GRID1: variants seen among roughly 807,000 people sequenced by gnomAD.
GRID1 encodes glutamate receptor ionotropic, delta-1.
GRID1 carries 28 observed loss-of-function variants against 98.0 expected under a neutral mutation model. The observed-to-expected ratio is 0.29, with a 90% confidence interval of 0.21 to 0.39. The LOEUF is 0.39. Among genes scored for constraint, GRID1 ranks in the 10% least tolerant of loss-of-function variants. GRID1 has a pLI of 1.00. For synonymous variants in GRID1, 553 were observed against 538.5 expected (o/e 1.03, Z -0.37); for missense variants, 1,111 against 1,340.5 (o/e 0.83, Z 2.67).
At chr10:85,652,523 G>C (rs1843285909) in intron 12 of GRID1, among the ~76,000 whole-genome samples, 1 of 152,188 alleles carries the variant, frequency 6.6e-6, no homozygotes, top group African/African-American at 2.4e-5. Context: ...AGACACGGGA[G>C]GGTGGGGATA....
At chr10:85,855,424 G>T (rs1275050872) in intron 7 of GRID1, among the ~76,000 whole-genome samples, 1 of 152,182 alleles carries the variant, frequency 6.6e-6, no homozygotes, top group African/African-American at 2.4e-5. Context: ...GGCCCAGAAG[G>T]GGCCCTGGCT....
chr10:85,684,185 G>C (rs1841241939), intron 12 of GRID1, among the ~76,000 whole-genome samples: 1 of 152,130 alleles, frequency 6.6e-6, no homozygotes, highest in Admixed American at 6.5e-5. Context: ...ATTGTGTTAA[G>C]ATATTTTGGC....
chr10:86,278,648 T>C (rs1294623496), intron 2 of GRID1, among the ~76,000 whole-genome samples: 1 of 152,158 alleles, frequency 6.6e-6, no homozygotes, highest in Non-Finnish European at 1.5e-5. Flanking sequence ...ATATTATGAA[T>C]AAGAATAAAC....
At chr10:86,018,388 T>A (rs1207368376) in intron 4 of GRID1, among the ~76,000 whole-genome samples, 1 of 152,190 alleles carries the variant, frequency 6.6e-6, no homozygotes, top group Admixed American at 6.5e-5. Flanking sequence ...CATAACCCTG[T>A]CAGGGGAGAT....
At chr10:85,730,758 C>T (rs1841813065) in intron 8 of GRID1, among the ~76,000 whole-genome samples, 1 of 152,110 alleles carries the variant, frequency 6.6e-6, no homozygotes, top group African/African-American at 2.4e-5. Flanking sequence ...AGCCATGATG[C>T]TCAAACTATG....
chr10:86,324,266 C>T (rs1259423071), intron 2 of GRID1, among the ~76,000 whole-genome samples: 1 of 152,064 alleles, frequency 6.6e-6, no homozygotes, highest in Non-Finnish European at 1.5e-5. Flanking sequence ...CAGCTCGGGG[C>T]AGAAGGACAT....
chr10:85,875,523 T>C (rs1843320571), intron 5 of GRID1, among the ~76,000 whole-genome samples: 1 of 152,186 alleles, frequency 6.6e-6, no homozygotes, highest in Non-Finnish European at 1.5e-5. Context: ...TTCTATAACA[T>C]TATTTATATT....
intron 8 of GRID1, among the ~76,000 whole-genome samples, chr10:85,759,160 C>G (rs1842124847): frequency 6.6e-6 from 1 of 152,170 alleles, no homozygotes; most frequent in Non-Finnish European, 1.5e-5. Flanking sequence ...ATCAACACTT[C>G]CCATGAAGCA....
At chr10:85,897,574 T>C (rs1841311196) in intron 5 of GRID1, among the ~76,000 whole-genome samples, 1 of 152,184 alleles carries the variant, frequency 6.6e-6, no homozygotes, top group South Asian at 2.1e-4. Flanking sequence ...GTTAATGTTA[T>C]TGAGTGCCTA....
chr10:86,221,954 T>G (rs575668979), intron 2 of GRID1, among the ~76,000 whole-genome samples: 2 of 148,514 alleles, frequency 1.3e-5, no homozygotes, highest in South Asian at 2.2e-4. Context: ...GGGCAGGGGG[T>G]GGGAGGCAGC....
At chr10:85,769,695 C>T (rs536850812) in intron 8 of GRID1, among the ~76,000 whole-genome samples, 47 of 152,276 alleles carry the variant, frequency 3.1e-4, no homozygotes, top group Non-Finnish European at 6.2e-4. Context: ...CTCGGAGGGT[C>T]CTACACCCAC....
At chr10:85,613,761 T>G (rs1195415187) in intron 14 of GRID1, 114 bp from the exon 15 acceptor site, 3 of 1,269,284 alleles carry the variant, frequency 2.4e-6, no homozygotes, top group Non-Finnish European at 3.3e-6. Context: ...TGAGCCATCC[T>G]AGCAGCTTTC....
At chr10:85,986,197 G>GT (rs1422954752) in intron 4 of GRID1, among the ~76,000 whole-genome samples, 1 of 152,228 alleles carries the variant, frequency 6.6e-6, no homozygotes, top group Non-Finnish European at 1.5e-5. Context: ...GAATTCCACG[G>GT]TAAGTCAGTC....
intron 12 of GRID1, among the ~76,000 whole-genome samples, chr10:85,702,937 A>C (rs1841469286): frequency 6.6e-6 from 1 of 151,866 alleles, no homozygotes; most frequent in Non-Finnish European, 1.5e-5. Flanking sequence ...GGGGAGCATA[A>C]GGAAAAAGAA....
At chr10:85,700,930 T>A (rs1160957355) in intron 12 of GRID1, among the ~76,000 whole-genome samples, 1 of 152,170 alleles carries the variant, frequency 6.6e-6, no homozygotes, top group African/African-American at 2.4e-5. Context: ...CAATCATTAT[T>A]GAATGGTTTT....
chr10:86,206,300 G>A lies in GRID1; in HGVS notation c.520+64C>T. ...CGGTCCAGGGCCCCACCCACTCTCAGGTCTCCCAGCATCTGGCCATCCCTG... is the reference window on the plus strand; with the variant it reads ...CGGTCCAGGGCCCCACCCACTCTCAAGTCTCCCAGCATCTGGCCATCCCTG... On this transcript the variant is annotated intron_variant, in intron 3 of 15. Coordinates refer to ENST00000327946, the MANE Select transcript of GRID1 (RefSeq NM_017551.3). The surrounding 1 kb of genome is among the most constrained non-coding windows in gnomAD (Gnocchi z 4.1). 1 of 1,505,262 alleles carries A rather than the reference G, an allele frequency of 6.6e-7. No homozygotes were observed. Among genetic ancestry groups the A allele is most frequent in the Non-Finnish European group, 9.0e-7 (1 of 1,110,170 alleles). 93.2% of individuals were successfully genotyped at this position (1,505,262 alleles called of 1,614,324 possible).
At chr10:86,263,973 T>C (rs1847062838) in intron 2 of GRID1, among the ~76,000 whole-genome samples, 1 of 152,202 alleles carries the variant, frequency 6.6e-6, no homozygotes, top group African/African-American at 2.4e-5. Flanking sequence ...GGGAAGGGAC[T>C]TGTCCAGGAG....
At chr10:85,606,483 G>C (rs1842665856) in intron 15 of GRID1, 1 of 152,188 alleles carries the variant, frequency 6.6e-6, no homozygotes, top group East Asian at 1.9e-4. Context: ...AACTGAATAA[G>C]AAAATGTGTA....
chr10:85,714,175 G>A (rs1000299553), intron 12 of GRID1, among the ~76,000 whole-genome samples: 3 of 120,326 alleles, frequency 2.5e-5, no homozygotes, highest in Non-Finnish European at 5.2e-5. Context: ...AATACCACAT[G>A]TTTTTACTTA....
Sources: allele counts gnomAD v4.1 joint callset (sites outside exome capture counted in the v4.1 genomes callset), GRCh38; gene constraint gnomAD v4.1.1; non-coding constraint Gnocchi (gnomAD v3.1); transcripts MANE v1.5; gene names NCBI Gene and HGNC (gene_info 2026-07-23, HGNC 2026-07-21).